PKHD1: variants seen among roughly 807,000 people sequenced by gnomAD.
The protein encoded by PKHD1 is fibrocystin.
Under a neutral mutation model 412.0 loss-of-function variants are expected in PKHD1, and 291 were observed. That is an observed-to-expected ratio of 0.71 (90% CI 0.64 to 0.78). The LOEUF (loss-of-function observed/expected upper bound fraction) is 0.78, where lower values mean the gene tolerates loss of function less well. Ranked by LOEUF, PKHD1 falls within the 30% of genes least tolerant of loss-of-function variation. PKHD1 has a pLI of 0.00. For missense variants in PKHD1, 4,825 were observed against 4,950.7 expected, an observed-to-expected ratio of 0.97 and a Z score of 0.76; for synonymous variants, 1,777 against 1,821.5, an observed-to-expected ratio of 0.98 and a Z score of 0.62.
chr6:51,918,705 T>C (rs1219562110), intron 37 of PKHD1, among the ~76,000 whole-genome samples: 3 of 152,210 alleles, frequency 2.0e-5, no homozygotes, highest in African/African-American at 7.2e-5. Flanking sequence ...TTTGGGTATA[T>C]ACCCAGTAAT....
intron 49 of PKHD1, among the ~76,000 whole-genome samples, chr6:51,848,420 T>TGG (rs1771604203): frequency 6.6e-6 from 1 of 152,198 alleles, no homozygotes; most frequent in Non-Finnish European, 1.5e-5. Context: ...GAGCATTTAC[T>TGG]ATGCAATCAG....
At chr6:52,078,155 G>A (rs1330845087) in intron 5 of PKHD1, among the ~76,000 whole-genome samples, 1 of 152,034 alleles carries the variant, frequency 6.6e-6, no homozygotes, top group Non-Finnish European at 1.5e-5. Context: ...TCGTGAGATC[G>A]TGGTGGGGCA....
chr6:51,824,461 G>C (rs1033124256), intron 52 of PKHD1, among the ~76,000 whole-genome samples: 4 of 152,092 alleles, frequency 2.6e-5, no homozygotes, highest in Admixed American at 2.6e-4. Context: ...GTGAGGACAC[G>C]ACTTTGACAT....
At chr6:52,063,206 T>G (rs1808948459) in intron 13 of PKHD1, among the ~76,000 whole-genome samples, 1 of 152,194 alleles carries the variant, frequency 6.6e-6, no homozygotes, top group South Asian at 2.1e-4. Flanking sequence ...TTAAATGATA[T>G]TGTATTAATT....
intron 54 of PKHD1, among the ~76,000 whole-genome samples, chr6:51,774,145 T>C (rs1462388986): frequency 1.3e-5 from 2 of 151,920 alleles, no homozygotes; most frequent in Admixed American, 6.6e-5. Flanking sequence ...GAAAATTCAA[T>C]TGACCAGAAA....
chr6:51,625,151 T>C (rs1205045394), intron 66 of PKHD1, among the ~76,000 whole-genome samples: 2 of 152,184 alleles, frequency 1.3e-5, no homozygotes, highest in East Asian at 3.9e-4. Flanking sequence ...CTGAATCTAG[T>C]AGTCATGCTC....
chr6:51,893,288 G>A (rs1779385815), intron 43 of PKHD1, among the ~76,000 whole-genome samples: 1 of 152,194 alleles, frequency 6.6e-6, no homozygotes. Context: ...ACCTTTGCCA[G>A]CACAGATGCT....
chr6:51,624,102 T>G (rs1205668006), intron 66 of PKHD1, among the ~76,000 whole-genome samples: 1 of 152,112 alleles, frequency 6.6e-6, no homozygotes, highest in Non-Finnish European at 1.5e-5. Flanking sequence ...GTTGCCCAGG[T>G]TGGAGTGCAG....
At chr6:51,883,041 A>T (rs941970093) in intron 46 of PKHD1, 52 bp downstream of exon 46, 28 of 1,454,374 alleles carry the variant, frequency 1.9e-5, no homozygotes, top group Admixed American at 3.4e-5. Flanking sequence ...GGCCCAGCAC[A>T]TGTAATTTTG....
intron 48 of PKHD1, among the ~76,000 whole-genome samples, chr6:51,857,373 G>A (rs900732915): frequency 4.6e-5 from 7 of 152,170 alleles, no homozygotes; most frequent in South Asian, 2.1e-4. Context: ...AGTGAGATGG[G>A]GCATGAGTAT....
chr6:51,913,029 C>T (rs1017399278), intron 37 of PKHD1, among the ~76,000 whole-genome samples: 2 of 152,040 alleles, frequency 1.3e-5, no homozygotes, highest in Admixed American at 1.3e-4. Context: ...TAGCTTGGAT[C>T]TTACCACATA....
chr6:51,981,315 C>A (rs892738733), intron 35 of PKHD1, among the ~76,000 whole-genome samples: 117 of 10,900 alleles, frequency 0.011, 6 homozygotes, highest in African/African-American at 0.027. Context: ...CTCAAGCTCT[C>A]CCTCTCCCTC....
At chr6:51,636,914 T>C (rs1768652428) in intron 64 of PKHD1, among the ~76,000 whole-genome samples, 1 of 152,182 alleles carries the variant, frequency 6.6e-6, no homozygotes, top group Non-Finnish European at 1.5e-5. Flanking sequence ...CCTAACAGAC[T>C]TGATCTTGAA....
chr6:51,701,403 G>C (rs1056874015), intron 60 of PKHD1, among the ~76,000 whole-genome samples: 1 of 152,096 alleles, frequency 6.6e-6, no homozygotes, highest in African/African-American at 2.4e-5. Context: ...TTGGTAAAGA[G>C]TTAAGTCTGT....
rs1172889975 is a variant in PKHD1, at chr6:51,958,833, A to ACACG, written c.5908+1036_5908+1037insCGTG. Among the ~76,000 whole-genome samples, 3 of 151,588 alleles carry ACACG rather than the reference A, an allele frequency of 2.0e-5. No homozygotes were observed. The East Asian group carries it at 5.8e-4, about 30-fold the overall frequency. ...ACTAGCTACACACACACACACACAC[A>ACACG]CACACAAACACACACACACAAAGAC... On this transcript the variant is annotated intron_variant, in intron 36 of 66. Coordinates refer to ENST00000371117, the MANE Select transcript of PKHD1 (RefSeq NM_138694.4).
rs1229082944 is a variant in PKHD1, at chr6:51,907,266, C to T, written c.6683-926G>A. Among the ~76,000 whole-genome samples, 3 of 152,150 alleles carry T rather than the reference C, an allele frequency of 2.0e-5. No homozygotes were observed. The East Asian group carries it at 5.8e-4, about 29-fold the overall frequency. ...ATATTAGAAAAGTTACTTTAGTTTACAGAATAATTTGACTTTTACAGTTGG... is the reference window on the plus strand; with the variant it reads ...ATATTAGAAAAGTTACTTTAGTTTATAGAATAATTTGACTTTTACAGTTGG... On this transcript the variant is annotated intron_variant, in intron 40 of 66. Coordinates refer to ENST00000371117, the MANE Select transcript of PKHD1 (RefSeq NM_138694.4).
rs771640991 is a variant in PKHD1 at position 52,056,781 on chromosome 6, G to A, written c.1610C>T (p.Thr537Ile). The change falls in exon 18 of 67, where the codon ACA becomes ATA. Residue 537 changes from threonine to isoleucine, a missense_variant. Transcript: ENST00000371117. ...PANATAHLIQTTIEELLAVKC... is the reference protein window; with the variant it reads ...PANATAHLIQITIEELLAVKC... ...TACTGCAAGTAACTCCTCAATGGTT[G>A]TTTGAATCTATTACAAAGGAAAAAA... 2 of 1,611,834 alleles carry A rather than the reference G, an allele frequency of 1.2e-6. No individual in the cohort carries two copies. The highest frequency in any genetic ancestry group is 2.2e-5 in the South Asian group (2 of 91,036).
intron 5 of PKHD1, among the ~76,000 whole-genome samples, chr6:52,077,709 G>A (rs1177485184): frequency 6.6e-6 from 1 of 152,184 alleles, no homozygotes; most frequent in African/African-American, 2.4e-5. Flanking sequence ...TTTCCTCACT[G>A]TCTAAAGGAA....
intron 60 of PKHD1, among the ~76,000 whole-genome samples, chr6:51,734,520 G>C (rs1192460856): frequency 6.6e-6 from 1 of 152,096 alleles, no homozygotes; most frequent in Non-Finnish European, 1.5e-5. Context: ...TTACCTTGAA[G>C]TCACTCACAG....
Sources: gnomAD v4.1 joint callset for allele counts (sites outside exome capture counted in the v4.1 genomes callset) on GRCh38, gnomAD v4.1.1 for gene constraint, MANE v1.5 for transcripts, NCBI Gene and HGNC (gene_info 2026-07-23, HGNC 2026-07-21) for gene names.